Variants in PALB2 observed in about 807,000 individuals in gnomAD.
The protein encoded by PALB2 is partner and localizer of BRCA2.
A neutral mutation model predicts 107.4 loss-of-function variants in PALB2; 82 were observed. The ratio of observed to expected loss-of-function variants is 0.76; its 90% CI spans 0.64 to 0.92. The LOEUF (loss-of-function observed/expected upper bound fraction) is 0.92, where lower values mean the gene tolerates loss of function less well. Ranked by LOEUF, PALB2 falls within the 40% of genes least tolerant of loss-of-function variation. The pLI is 0.00. For missense variants in PALB2, 1,374 were observed against 1,379.9 expected, an observed-to-expected ratio of 1.00 and a Z score of 0.07; for synonymous variants, 489 against 496.8, an observed-to-expected ratio of 0.98 and a Z score of 0.21.
intron 12 of PALB2, among the ~76,000 whole-genome samples, chr16:23,604,777 AT>A (rs2142259997): frequency 6.7e-6 from 1 of 149,944 alleles, no homozygotes; most frequent in East Asian, 2.0e-4. Flanking sequence ...AAAAAAAAAA[AT>A]TAGCTGTTAT....
At chr16:23,641,074 A>T (rs1482548027) in intron 1 of PALB2, 36 bp downstream of exon 1, 4 of 1,609,780 alleles carry the variant, frequency 2.5e-6, no homozygotes, top group Admixed American at 3.4e-5. Flanking sequence ...AAGCGGGGTC[A>T]GAGTCCTGCG....
chr16:23,636,120 C>T lies in PALB2; in HGVS notation c.426G>A (p.Lys142=), dbSNP rs1967047677. The T allele has an allele frequency of 6.2e-7, 1 of 1,613,608 alleles. No homozygotes were observed. The highest frequency in any genetic ancestry group is 1.1e-5 in the South Asian group (1 of 91,032). ...GCTGCTTCTTTCTTCTGCTTGGCAG[C>T]TTCTGCTTTTGCTCACCACTAGGGT... is the stretch of plus-strand genomic sequence containing the variant. The part of the protein sequence containing the change: ...VSDPSGEQKQ[K]LPSRRKKQQK... The change falls in exon 4 of 13, where the codon AAG becomes AAA. Residue 142 remains lysine, a synonymous_variant. Transcript: ENST00000261584.
chr16:23,625,725 C>T lies in PALB2; in HGVS notation c.2748+511G>A, dbSNP rs139152616. Reference sequence around the variant, plus strand: ...GGCACAAGAATCCCTTGAACCTGGGCGGCAGAGGTTGACAGTGAGCCGAGA... The same window carrying T: ...GGCACAAGAATCCCTTGAACCTGGGTGGCAGAGGTTGACAGTGAGCCGAGA... On this transcript the variant is annotated intron_variant, in intron 7 of 12. Transcript: ENST00000261584. 9.1e-3 allele frequency among the ~76,000 whole-genome samples: 1,387 copies of T among 151,862 alleles called. 33 individuals are homozygous for T. Among genetic ancestry groups the T allele is most frequent in the African/African-American group, 0.031 (1,293 of 41,434 alleles).
In PALB2 at chr16:23,637,941, T is replaced by A. The variant is rs1362378434; in HGVS notation, c.120A>T (p.Arg40Ser). 1.9e-6 allele frequency: 3 copies of A among 1,613,944 alleles called. No individual in the cohort carries two copies. The highest frequency in any genetic ancestry group is 2.5e-6 in the Non-Finnish European group (3 of 1,179,822). ...TAATAGAATGCTTAATCTTTTCAGC[T>A]CTTTGGGCACGCTAGAGGAGACAAA... is the stretch of plus-strand genomic sequence containing the variant. ...KTLARLQRAQ[R>S]AEKIKHSIKK... is the part of the protein sequence containing the mutation. The change falls in exon 3 of 13, where the codon AGA (arginine) becomes AGT (serine). Residue 40 changes from arginine (R) to serine (S), a missense_variant. By Grantham distance (110) the Arg-to-Ser change is moderately radical (BLOSUM62 -1). Coordinates refer to ENST00000261584, the MANE Select transcript of PALB2 (RefSeq NM_024675.4).
rs1406070213 is a variant in PALB2 at position 23,615,139 on chromosome 16, G to A, written c.3114-1048C>T. Among the ~76,000 whole-genome samples, 8 of 151,158 alleles carry A rather than the reference G, an allele frequency of 5.3e-5. No homozygotes were observed. In the East Asian group the frequency reaches 1.6e-3, roughly 29 times the overall value. On this transcript the variant is annotated intron_variant, in intron 10 of 12. Transcript: ENST00000261584. ...AATTTCTGTATTTTTAGTAGAGGCAGGGTTTCACCAGGTTGGCCAGGCTGG... is the reference window on the plus strand; with the variant it reads ...AATTTCTGTATTTTTAGTAGAGGCAAGGTTTCACCAGGTTGGCCAGGCTGG...
intron 4 of PALB2, among the ~76,000 whole-genome samples, chr16:23,633,111 C>A (rs1386174741): frequency 6.6e-6 from 1 of 152,084 alleles, no homozygotes; most frequent in Non-Finnish European, 1.5e-5. Flanking sequence ...TAAAAAAAAA[C>A]TACTGTGTAA....
In PALB2 at chr16:23,607,848, A is replaced by C. The variant is rs515726115; in HGVS notation, c.3350+16T>G. Reference sequence around the variant, plus strand: ...CAGAATGTCCCACCCATAGAGTAGCAGTTATGCACACTTGCCTGCCAGCCT... The same window carrying C: ...CAGAATGTCCCACCCATAGAGTAGCCGTTATGCACACTTGCCTGCCAGCCT... On this transcript the variant is annotated intron_variant, in intron 12 of 12. Coordinates refer to ENST00000261584, the MANE Select transcript of PALB2 (RefSeq NM_024675.4). 4 of 1,613,448 alleles carry C rather than the reference A, an allele frequency of 2.5e-6. No homozygotes were observed. The African/African-American group carries it at 5.3e-5, about 22-fold the overall frequency.
chr16:23,616,233 C>T (rs1014439898), intron 10 of PALB2, among the ~76,000 whole-genome samples: 2 of 152,074 alleles, frequency 1.3e-5, no homozygotes, highest in African/African-American at 2.4e-5. Flanking sequence ...CTTGAGACTA[C>T]AGCAGTCCAC....
intron 10 of PALB2, among the ~76,000 whole-genome samples, chr16:23,618,782 T>C (rs1966725531): frequency 6.6e-6 from 1 of 152,158 alleles, no homozygotes; most frequent in Admixed American, 6.6e-5. Flanking sequence ...AGGTGTGGAC[T>C]ATGGAAATAG....
chr16:23,620,401 T>A (rs1966752426), intron 10 of PALB2, among the ~76,000 whole-genome samples: 1 of 152,188 alleles, frequency 6.6e-6, no homozygotes, highest in Non-Finnish European at 1.5e-5. Context: ...GGACAGAAGA[T>A]CTTCTATTAG....
intron 11 of PALB2, among the ~76,000 whole-genome samples, chr16:23,612,080 G>C (rs74014954): frequency 0.02 from 2,975 of 152,214 alleles, 92 homozygotes; most frequent in African/African-American, 0.068. Flanking sequence ...TAATCACCAG[G>C]CAAGTCAGTC....
chr16:23,618,685 A>T (rs886619955), intron 10 of PALB2, among the ~76,000 whole-genome samples: 47 of 150,978 alleles, frequency 3.1e-4, no homozygotes, highest in Admixed American at 6.6e-4. Flanking sequence ...AAAAAAATTT[A>T]AAAAAAAAAT....
At position 23,629,416 on chromosome 16, in the gene PALB2, A is replaced by G; in HGVS notation, c.2515-141T>C. 1.3e-5 allele frequency: 12 copies of G among 917,060 alleles called. No individual in the cohort carries two copies. The South Asian group carries it at 1.7e-4, about 13-fold the overall frequency. 56.8% of individuals were successfully genotyped at this position (917,060 alleles called of 1,614,324 possible). On this transcript the variant is annotated intron_variant, in intron 5 of 12. Coordinates refer to ENST00000261584, the MANE Select transcript of PALB2 (RefSeq NM_024675.4). ...CAAAGCTCCAAATGCAAACTGTTTC[A>G]CTGATAACAAAGAGAATAGGACCTC...
At position 23,629,803 on chromosome 16, in the gene PALB2, T is replaced by G. The variant is rs2142374974; in HGVS notation, c.2351A>C (p.Lys784Thr). ...TGACACTTGCAGGGTGGTATGTGGT[T>G]TTGCTGGGCTGCCTGAACTGTCGAA... ...KQFDSSGSPAKPHTTLQVSGR... is the reference protein window; with the variant it reads ...KQFDSSGSPATPHTTLQVSGR... The change falls in exon 5 of 13, where the codon AAA becomes ACA. Residue 784 changes from lysine to threonine, a missense_variant. By Grantham distance (78) the Lys-to-Thr change is moderately conservative (BLOSUM62 -1). Transcript: ENST00000261584. 1.2e-6 allele frequency: 2 copies of G among 1,614,182 alleles called. No individual in the cohort carries two copies. Among genetic ancestry groups the G allele is most frequent in the Non-Finnish European group, 1.7e-6 (2 of 1,180,044 alleles).
rs765125459 is a variant in PALB2, at chr16:23,637,934, T to C, written c.127A>G (p.Lys43Glu). ...GTTTTCTTAATAGAATGCTTAATCT[T>C]TTCAGCTCTTTGGGCACGCTAGAGG... is the stretch of plus-strand genomic sequence containing the variant. ...ARLQRAQRAE[K>E]IKHSIKKTVE... Residue 43 changes from lysine (K) to glutamate (E), a missense_variant, in exon 3 of 13, where the codon AAG becomes GAG. Coordinates refer to ENST00000261584, the MANE Select transcript of PALB2 (RefSeq NM_024675.4). The C allele has an allele frequency of 5.0e-6, 8 of 1,613,914 alleles. No homozygotes were observed. In the Admixed American group the frequency reaches 8.3e-5, roughly 17 times the overall value.
At chr16:23,615,164 G>A (rs1445170666) in intron 10 of PALB2, among the ~76,000 whole-genome samples, 1 of 147,540 alleles carries the variant, frequency 6.8e-6, no homozygotes, top group African/African-American at 2.5e-5. Context: ...GGCCAGGCTG[G>A]TCTTGAACTC....
chr16:23,628,835 T>A (rs1398607011), intron 6 of PALB2, among the ~76,000 whole-genome samples: 1 of 152,130 alleles, frequency 6.6e-6, no homozygotes, highest in African/African-American at 2.4e-5. Context: ...GGTTTCATCA[T>A]GTTGGCCAGG....
At chr16:23,640,766 G>GACTT (rs1011669289) in intron 1 of PALB2, 11 of 312,532 alleles carry the variant, frequency 3.5e-5, no homozygotes, top group African/African-American at 2.1e-4. Flanking sequence ...AAAGGACCTG[G>GACTT]AAGTACCAGA....
intron 10 of PALB2, among the ~76,000 whole-genome samples, chr16:23,618,362 GA>G (rs1423827725): frequency 6.6e-6 from 1 of 152,036 alleles, no homozygotes; most frequent in African/African-American, 2.4e-5. Flanking sequence ...TCTTATATAC[GA>G]AATGCCAAAG....
Sources: allele counts gnomAD v4.1 joint callset (sites outside exome capture counted in the v4.1 genomes callset), GRCh38; gene constraint gnomAD v4.1.1; transcripts MANE v1.5; gene names NCBI Gene and HGNC (gene_info 2026-07-23, HGNC 2026-07-21).